SNTG1: variants seen among roughly 807,000 people sequenced by gnomAD.
The protein encoded by SNTG1 is syntrophin gamma 1.
A neutral mutation model predicts 74.7 loss-of-function variants in SNTG1; 39 were observed. That is an observed-to-expected ratio of 0.52 (90% CI 0.40 to 0.68). The LOEUF is 0.68. SNTG1 is among the 30% of genes least tolerant of loss of function. SNTG1 has a pLI of 0.00. For synonymous variants in SNTG1, 254 were observed against 217.1 expected (o/e 1.17, Z -1.49); for missense variants, 685 against 609.5 (o/e 1.12, Z -1.30).
At chr8:50,167,187 G>A (rs1256437169) in intron 1 of SNTG1, among the ~76,000 whole-genome samples, 2 of 147,068 alleles carry the variant, frequency 1.4e-5, no homozygotes, top group Non-Finnish European at 3.0e-5. Flanking sequence ...ACACGTTAGT[G>A]GGTGCAGCAC....
At chr8:50,339,728 T>A (rs2091263062) in intron 2 of SNTG1, among the ~76,000 whole-genome samples, 1 of 151,322 alleles carries the variant, frequency 6.6e-6, no homozygotes, top group African/African-American at 2.4e-5. Flanking sequence ...GAGGGGAAAA[T>A]AATAAAGAAA....
In SNTG1 at chr8:50,795,138, T is replaced by C. The variant is rs1368435142; in HGVS notation, c.*2309T>C. 2 of 152,016 alleles carry C rather than the reference T, an allele frequency of 1.3e-5. No homozygotes were observed. Among genetic ancestry groups the C allele is most frequent in the African/African-American group, 4.8e-5 (2 of 41,430 alleles). 9.4% of individuals were successfully genotyped at this position (152,016 alleles called of 1,614,324 possible). A position where few individuals can be genotyped will look rare whatever the true frequency, so the allele number is the denominator to read the frequency against. ...GAATGTTTTGTGTACATACATTTAATATACTTTAAATTACGTTGTAAAATG... is the reference window on the plus strand; with the variant it reads ...GAATGTTTTGTGTACATACATTTAACATACTTTAAATTACGTTGTAAAATG... On this transcript the variant is annotated 3_prime_UTR_variant, in exon 19 of 19. Coordinates refer to ENST00000642720, the MANE Select transcript of SNTG1 (RefSeq NM_018967.5).
intron 15 of SNTG1, among the ~76,000 whole-genome samples, chr8:50,677,354 C>T (rs188280002): frequency 9.2e-5 from 14 of 151,926 alleles, no homozygotes; most frequent in Non-Finnish European, 1.3e-4. Context: ...ATAATGACAT[C>T]TTCCATAATA....
At chr8:50,467,526 CTTTA>C (rs2131721719) in intron 8 of SNTG1, among the ~76,000 whole-genome samples, 1 of 151,800 alleles carries the variant, frequency 6.6e-6, no homozygotes, top group African/African-American at 2.4e-5. Context: ...ATCTTTCTCT[CTTTA>C]TTTCTTGGTG....
intron 2 of SNTG1, among the ~76,000 whole-genome samples, chr8:50,253,056 G>A (rs1378004325): frequency 6.6e-6 from 1 of 152,110 alleles, no homozygotes; most frequent in Non-Finnish European, 1.5e-5. Context: ...TAGAGACAGG[G>A]GAACATTTAC....
intron 13 of SNTG1, among the ~76,000 whole-genome samples, chr8:50,654,383 G>A (rs149712553): frequency 1.8e-4 from 27 of 151,766 alleles, no homozygotes; most frequent in African/African-American, 4.3e-4. Context: ...CCAACTTTAC[G>A]TTTCATAAAT....
chr8:49,956,080 T>A (rs1810131362), intron 1 of SNTG1, among the ~76,000 whole-genome samples: 1 of 152,214 alleles, frequency 6.6e-6, no homozygotes, highest in South Asian at 2.1e-4. Flanking sequence ...CATACATCAA[T>A]TGCTATTTAT....
intron 2 of SNTG1, among the ~76,000 whole-genome samples, chr8:50,214,933 T>A (rs1217389801): frequency 2.0e-5 from 3 of 152,182 alleles, no homozygotes; most frequent in Non-Finnish European, 4.4e-5. Flanking sequence ...CCTGGATGTC[T>A]CAAAGAGACC....
At chr8:50,732,683 A>G (rs2095515760) in intron 17 of SNTG1, among the ~76,000 whole-genome samples, 1 of 151,934 alleles carries the variant, frequency 6.6e-6, no homozygotes, top group South Asian at 2.1e-4. Flanking sequence ...AAATTGCTGT[A>G]CTAAAATTTT....
chr8:50,539,165 G>A (rs887535160), intron 11 of SNTG1, among the ~76,000 whole-genome samples: 1 of 151,984 alleles, frequency 6.6e-6, no homozygotes, highest in Non-Finnish European at 1.5e-5. Flanking sequence ...TTCATTGTTA[G>A]TATCATTAAT....
Position 50,793,787 on chromosome 8 carries a change from A to G in SNTG1, c.*958A>G, listed in dbSNP as rs1265673851. On this transcript the variant is annotated 3_prime_UTR_variant, in exon 19 of 19. Transcript: ENST00000642720. ...TCATGAACTAAAATGTCCCCCGAAA[A>G]CAGTCCCAAAGCTATTATAGATGTT... The G allele has an allele frequency of 6.6e-6, 1 of 151,896 alleles. No homozygotes were observed. The highest frequency in any genetic ancestry group is 1.5e-5 in the Non-Finnish European group (1 of 67,898). 9.4% of individuals were successfully genotyped at this position (151,896 alleles called of 1,614,324 possible). A position where few individuals can be genotyped will look rare whatever the true frequency, so the allele number is the denominator to read the frequency against.
intron 3 of SNTG1, among the ~76,000 whole-genome samples, chr8:50,394,976 G>A (rs1342443230): frequency 1.4e-5 from 2 of 146,646 alleles, no homozygotes; most frequent in East Asian, 4.0e-4. Context: ...TTTTTTTATT[G>A]TATATAAACA....
intron 2 of SNTG1, among the ~76,000 whole-genome samples, chr8:50,373,759 T>C (rs1344926470): frequency 6.6e-6 from 1 of 152,210 alleles, no homozygotes; most frequent in Non-Finnish European, 1.5e-5. Context: ...AAGTGAGATG[T>C]TCTTAATTCC....
At chr8:50,149,271 T>A (rs1457896250) in intron 1 of SNTG1, among the ~76,000 whole-genome samples, 1 of 152,188 alleles carries the variant, frequency 6.6e-6, no homozygotes, top group African/African-American at 2.4e-5. Flanking sequence ...GTTTGAGTTC[T>A]TTGTAGATTC....
intron 4 of SNTG1, among the ~76,000 whole-genome samples, chr8:50,426,375 T>C (rs1205725821): frequency 3.3e-5 from 5 of 152,110 alleles, no homozygotes; most frequent in Admixed American, 6.6e-5. Flanking sequence ...TCTAGTTACA[T>C]CTTAATGATC....
At chr8:50,047,284 A>C (rs1014192952) in intron 1 of SNTG1, among the ~76,000 whole-genome samples, 3 of 152,044 alleles carry the variant, frequency 2.0e-5, no homozygotes, top group Non-Finnish European at 4.4e-5. Context: ...TGCTGCAGTG[A>C]GCCATGATGG....
intron 1 of SNTG1, among the ~76,000 whole-genome samples, chr8:49,913,739 A>G (rs1452079544): frequency 3.3e-5 from 5 of 152,232 alleles, no homozygotes; most frequent in Admixed American, 2.0e-4. Context: ...AAATTATCAC[A>G]TGGAAGACTT....
chr8:50,055,473 G>A (rs1298746966), intron 1 of SNTG1, among the ~76,000 whole-genome samples: 2 of 152,028 alleles, frequency 1.3e-5, no homozygotes, highest in Admixed American at 6.6e-5. Flanking sequence ...TTAAATTGAA[G>A]AAGTCCCTCT....
At chr8:49,920,025 T>TC (rs1806390553) in intron 1 of SNTG1, among the ~76,000 whole-genome samples, 2 of 152,104 alleles carry the variant, frequency 1.3e-5, no homozygotes. Context: ...ACTTTATTTT[T>TC]CTCTTCAAAC....
Sources: allele counts gnomAD v4.1 joint callset (sites outside exome capture counted in the v4.1 genomes callset), GRCh38; gene constraint gnomAD v4.1.1; transcripts MANE v1.5; gene names NCBI Gene and HGNC (gene_info 2026-07-23, HGNC 2026-07-21).